Variants in UNC93A observed in about 807,000 individuals in gnomAD.
UNC93A encodes N-acetylglucosamine transporter UNC93A.
In UNC93A, 43 loss-of-function variants were observed where a neutral mutation model predicts 47.5. That is an observed-to-expected ratio of 0.91 (90% CI 0.71 to 1.17). The LOEUF is 1.17. UNC93A is among the 50% of genes most tolerant of loss of function. UNC93A has a pLI of 0.00. For synonymous variants in UNC93A, 280 were observed against 258.0 expected, an observed-to-expected ratio of 1.09 and a Z score of -0.82; for missense variants, 605 against 577.6, an observed-to-expected ratio of 1.05 and a Z score of -0.49.
In UNC93A at chr6:167,281,060, C is replaced by T. The variant is rs562049308; in HGVS notation, c.-52+9602C>T. Among the ~76,000 whole-genome samples, 23 of 152,238 alleles carry T rather than the reference C, an allele frequency of 1.5e-4. No individual in the cohort carries two copies. In the East Asian group the frequency reaches 2.7e-3, roughly 18 times the overall value. The stretch of plus-strand genomic sequence containing the variant: ...TATCATGATTGCCCAGAAGGATGTC[C>T]CACCAAGAGGAGCCTCAGGCGGTAA... On this transcript the variant is annotated intron_variant, in intron 1 of 3. Transcript: ENST00000503433.
At chr6:167,277,866 C>T (rs866728136) in intron 1 of UNC93A, among the ~76,000 whole-genome samples, 2 of 120,112 alleles carry the variant, frequency 1.7e-5, no homozygotes, top group Admixed American at 1.5e-4. Flanking sequence ...TCTCTGTCTC[C>T]TTCTGTCTGT....
rs117233039 is a variant in UNC93A at position 167,311,096 on chromosome 6, C to G, written c.1108+3186C>G. ...TGTAGCTTTGGCTACATCTCAAGAA[C>G]AGCTCTCTTCATTTTTGTTTTTCTA... On this transcript the variant is annotated intron_variant, in intron 7 of 7. Coordinates refer to ENST00000230256, the MANE Select transcript of UNC93A (RefSeq NM_018974.4). Among the ~76,000 whole-genome samples, 61 of 152,286 alleles carry G rather than the reference C, an allele frequency of 4.0e-4. No individual in the cohort carries two copies. In the East Asian group the frequency reaches 0.01, roughly 25 times the overall value.
chr6:167,301,297 C>G (rs934745293), intron 4 of UNC93A, among the ~76,000 whole-genome samples: 9 of 152,304 alleles, frequency 5.9e-5, no homozygotes, highest in African/African-American at 1.9e-4. Flanking sequence ...GAGTCCAAGT[C>G]TAGAAGTTAT....
rs140544963 is a variant in UNC93A, at chr6:167,277,604, G to T, written c.-52+6146G>T. 8.3e-3 allele frequency among the ~76,000 whole-genome samples: 1,266 copies of T among 151,634 alleles called. 55 individuals are homozygous for T. Among genetic ancestry groups the T allele is most frequent in the Admixed American group, 0.074 (1,123 of 15,222 alleles). ...GGGCCACTGTCTCCACCGTTCTCTG[G>T]CTATCTCTGTCTCTCTCTCTCTGAC... On this transcript the variant is annotated intron_variant, in intron 1 of 3. Coordinates refer to the UNC93A transcript ENST00000503433.
chr6:167,307,732 A>G (rs201731825), intron 6 of UNC93A, 47 bp from the exon 7 acceptor site: 3 of 1,567,048 alleles, frequency 1.9e-6, no homozygotes, highest in African/African-American at 1.5e-5. Context: ...CCTCCAGGCC[A>G]TGATGATGGC....
At position 167,305,980 on chromosome 6, in the gene UNC93A, T is replaced by C. The variant is rs144921770; in HGVS notation, c.906T>C (p.Thr302=). ...VGYVMICFSA[T]DALCSVLYGK... Reference sequence around the variant, plus strand: ...ACGTGATGATCTGCTTCTCGGCCACTGACGCGCTGTGCTCCGTGTTGTATG... The same window carrying C: ...ACGTGATGATCTGCTTCTCGGCCACCGACGCGCTGTGCTCCGTGTTGTATG... The change falls in exon 6 of 8, where the codon ACT becomes ACC. Residue 302 remains threonine (T), a synonymous_variant. Transcript: ENST00000230256. The C allele has an allele frequency of 4.0e-5, 65 of 1,614,090 alleles. No homozygotes were observed. Among genetic ancestry groups the C allele is most frequent in the Non-Finnish European group, 5.3e-5 (62 of 1,180,052 alleles).
chr6:167,288,482 A>G (rs974122824), upstream of UNC93A, among the ~76,000 whole-genome samples: 12 of 139,664 alleles, frequency 8.6e-5, no homozygotes, highest in African/African-American at 3.3e-4. Context: ...ACACACACAC[A>G]CACACAGCAT....
intron 1 of UNC93A, among the ~76,000 whole-genome samples, chr6:167,279,617 A>G (rs1259007927): frequency 3.3e-5 from 5 of 152,206 alleles, no homozygotes; most frequent in Non-Finnish European, 7.3e-5. Context: ...GTGAGTGAGA[A>G]TGGGCTTCCG....
chr6:167,277,302 G>A (rs1432124242), intron 1 of UNC93A, among the ~76,000 whole-genome samples: 1 of 152,208 alleles, frequency 6.6e-6, no homozygotes, highest in Non-Finnish European at 1.5e-5. Flanking sequence ...TCTGCCTTCT[G>A]GCCTGTGACC....
chr6:167,295,439 C>G (rs529362870), intron 2 of UNC93A, among the ~76,000 whole-genome samples: 2,063 of 127,280 alleles, frequency 0.016, 106 homozygotes, highest in African/African-American at 0.052. Context: ...TCCTCGGCCT[C>G]CCTCGTGCTC....
At chr6:167,275,406 C>A (rs73257114) in intron 1 of UNC93A, among the ~76,000 whole-genome samples, 9,977 of 152,284 alleles carry the variant, frequency 0.066, 636 homozygotes, top group African/African-American at 0.17. Flanking sequence ...AATGATTCCC[C>A]AGGTTGTCCT....
rs1037606071 is a variant in UNC93A, at chr6:167,298,156, A to G, written c.625+86A>G. 119 of 1,518,122 alleles carry G rather than the reference A, an allele frequency of 7.8e-5. 1 individual carries two copies. In the South Asian group the frequency reaches 1.3e-3, roughly 17 times the overall value. The allele number at this position is 1,518,122 out of a possible 1,614,324, so 94.0% of individuals were successfully genotyped here. A position where few individuals can be genotyped will look rare whatever the true frequency, so the allele number is the denominator to read the frequency against. On this transcript the variant is annotated intron_variant, in intron 4 of 7. Coordinates refer to ENST00000230256, the MANE Select transcript of UNC93A (RefSeq NM_018974.4). ...GGGCTGACAAAGACTGTCTCTCCCA[A>G]TGTAAAAGTAATCTCTCTTCTTCTG...
Position 167,304,040 on chromosome 6 carries a change from C to A in UNC93A, c.747C>A (p.Phe249Leu). ...VPFWSTLLST[F>L]KLYRDKRLCL... is the part of the protein sequence containing the mutation. ...TCTGGTCCACTTTACTGTCGACTTTCAAGCTATATAGAGATAAACGTCTGT... is the reference window on the plus strand; with the variant it reads ...TCTGGTCCACTTTACTGTCGACTTTAAAGCTATATAGAGATAAACGTCTGT... Residue 249 changes from phenylalanine to leucine, a missense_variant, in exon 5 of 8, where the codon TTC (phenylalanine) becomes TTA (leucine). Physicochemically the swap from Phe to Leu is conservative, Grantham distance 22. Coordinates refer to ENST00000230256, the MANE Select transcript of UNC93A (RefSeq NM_018974.4). 6.2e-7 allele frequency: 1 copy of A among 1,614,034 alleles called. No individual in the cohort carries two copies. Among genetic ancestry groups the A allele is most frequent in the Non-Finnish European group, 8.5e-7 (1 of 1,180,002 alleles).
intron 5 of UNC93A, among the ~76,000 whole-genome samples, chr6:167,305,421 C>T (rs956253503): frequency 6.6e-6 from 1 of 152,216 alleles, no homozygotes; most frequent in Non-Finnish European, 1.5e-5. Context: ...CCCTGTTCTG[C>T]GTGCCCGCCC....
chr6:167,308,798 C>G (rs1583093253), intron 7 of UNC93A, among the ~76,000 whole-genome samples: 2 of 151,972 alleles, frequency 1.3e-5, no homozygotes, highest in African/African-American at 4.8e-5. Flanking sequence ...GGCCCCGTGT[C>G]ACAACAATCA....
At chr6:167,290,543 T>C (rs191683499), upstream of UNC93A, among the ~76,000 whole-genome samples, 34 of 152,354 alleles carry the variant, frequency 2.2e-4, no homozygotes, top group African/African-American at 6.5e-4. Context: ...ACATTTGTGG[T>C]AAGTTGCTTA....
upstream of UNC93A, among the ~76,000 whole-genome samples, chr6:167,287,816 GA>G (rs756307872): frequency 6.1e-4 from 93 of 152,278 alleles, no homozygotes; most frequent in Non-Finnish European, 1.1e-3. Context: ...CTGACTATGA[GA>G]GTGGAACAGG....
intron 1 of UNC93A, among the ~76,000 whole-genome samples, chr6:167,272,957 G>A (rs1302372096): frequency 6.6e-6 from 1 of 152,110 alleles, no homozygotes; most frequent in East Asian, 1.9e-4. Flanking sequence ...AGACTCTCAG[G>A]TTAAAATTTA....
At position 167,298,050 on chromosome 6, in the gene UNC93A, C is replaced by A. The variant is rs980025462; in HGVS notation, c.605C>A (p.Thr202Asn). 9 of 1,613,878 alleles carry A rather than the reference C, an allele frequency of 5.6e-6. No individual in the cohort carries two copies. The highest frequency in any genetic ancestry group is 6.8e-6 in the Non-Finnish European group (8 of 1,180,012). ...AGGCCCTCCCAGCAGCTGGTCTACACCCTCCTGGGCATCTACACTGGTACG... is the reference window on the plus strand; with the variant it reads ...AGGCCCTCCCAGCAGCTGGTCTACAACCTCCTGGGCATCTACACTGGTACG... ...TQRPSQQLVY[T>N]LLGIYTGSGV... The change falls in exon 4 of 8, where the codon ACC (threonine) becomes AAC (asparagine). Residue 202 changes from threonine (T) to asparagine (N), a missense_variant. Transcript: ENST00000230256.
Sources: gnomAD v4.1 joint callset for allele counts (sites outside exome capture counted in the v4.1 genomes callset) on GRCh38, gnomAD v4.1.1 for gene constraint, MANE v1.5 for transcripts, NCBI Gene and HGNC (gene_info 2026-07-23, HGNC 2026-07-21) for gene names.